The following WWOX variants were observed in gnomAD, a reference collection of about 807,000 sequenced individuals.
WWOX encodes the protein WW domain containing oxidoreductase, also known as WW domain-containing oxidoreductase.
A neutral mutation model predicts 46.2 loss-of-function variants in WWOX; 69 were observed. The observed-to-expected ratio is 1.49, with a 90% CI of 1.23 to 1.82. The LOEUF (loss-of-function observed/expected upper bound fraction) is 1.82, where lower values mean the gene tolerates loss of function less well. Among genes scored for constraint, WWOX ranks in the 40% most tolerant of loss-of-function variants. The pLI, the probability that WWOX is intolerant of heterozygous loss-of-function variation, is 0.00. For synonymous variants in WWOX, 359 were observed against 202.6 expected (o/e 1.77, Z -6.56); for missense variants, 919 against 542.6 (o/e 1.69, Z -6.89).
At chr16:78,824,328 T>C (rs2051588540) in intron 8 of WWOX, among the ~76,000 whole-genome samples, 1 of 152,150 alleles carries the variant, frequency 6.6e-6, no homozygotes, top group Admixed American at 6.6e-5. Flanking sequence ...TGTGATTGGT[T>C]GATTTACTGT....
intron 5 of WWOX, among the ~76,000 whole-genome samples, chr16:78,345,458 CAAAAAAAAAAAAAAAA>C (rs71137889): frequency 0.28 from 7,614 of 26,908 alleles, 1,935 homozygotes; most frequent in South Asian, 0.53. Context: ...CCATCGCTAC[CAAAAAAAAAAAAAAAA>C]AAAAAAAAAA....
At chr16:79,090,557 C>A (rs868078479) in intron 8 of WWOX, among the ~76,000 whole-genome samples, 1 of 152,150 alleles carries the variant, frequency 6.6e-6, no homozygotes, top group Non-Finnish European at 1.5e-5. Flanking sequence ...AAAGATAATT[C>A]ATTCCTGTTT....
chr16:78,973,876 C>G (rs1402329136), intron 8 of WWOX, among the ~76,000 whole-genome samples: 2 of 152,214 alleles, frequency 1.3e-5, no homozygotes, highest in Non-Finnish European at 2.9e-5. Flanking sequence ...ATTTCTATCT[C>G]CAACTAGGGA....
At chr16:78,907,852 G>A (rs2045006399) in intron 8 of WWOX, among the ~76,000 whole-genome samples, 1 of 152,074 alleles carries the variant, frequency 6.6e-6, no homozygotes, top group Admixed American at 6.6e-5. Context: ...CAAAGACGAG[G>A]GAGCAGCAAG....
chr16:79,144,596 T>C (rs961432570), intron 8 of WWOX, among the ~76,000 whole-genome samples: 2 of 152,222 alleles, frequency 1.3e-5, no homozygotes, highest in African/African-American at 2.4e-5. Flanking sequence ...AAAAAAAATA[T>C]CGAGTGGAAA....
intron 8 of WWOX, among the ~76,000 whole-genome samples, chr16:79,033,884 G>A (rs149532818): frequency 3.3e-5 from 5 of 152,356 alleles, no homozygotes; most frequent in African/African-American, 9.6e-5. Flanking sequence ...AGTTAGGACT[G>A]TCTGTCGCAC....
chr16:78,458,541 A>ACAAG (rs2083880874), intron 8 of WWOX, among the ~76,000 whole-genome samples: 1 of 152,154 alleles, frequency 6.6e-6, no homozygotes, highest in Non-Finnish European at 1.5e-5. Context: ...GATTACAGGT[A>ACAAG]CAAGCCACCA....
chr16:78,796,639 G>C (rs2050744493), intron 8 of WWOX, among the ~76,000 whole-genome samples: 1 of 152,170 alleles, frequency 6.6e-6, no homozygotes, highest in Non-Finnish European at 1.5e-5. Context: ...CTTTTGGAAG[G>C]AGTTATTGTC....
chr16:78,396,502 C>A (rs961773247), intron 6 of WWOX, among the ~76,000 whole-genome samples: 7 of 152,154 alleles, frequency 4.6e-5, no homozygotes, highest in Non-Finnish European at 8.8e-5. Flanking sequence ...ACAACTTTCC[C>A]TTCCATAGAG....
intron 8 of WWOX, among the ~76,000 whole-genome samples, chr16:78,881,444 A>G (rs1230718277): frequency 6.6e-6 from 1 of 152,258 alleles, no homozygotes; most frequent in East Asian, 1.9e-4. Context: ...ATTTTCAAGG[A>G]AAATCAGAGA....
Position 78,695,161 on chromosome 16 carries a change from T to C in WWOX, c.1056+262409T>C, listed in dbSNP as rs150743884. 4.0e-3 allele frequency among the ~76,000 whole-genome samples: 611 copies of C among 152,296 alleles called. 1 individual carries two copies. Among genetic ancestry groups the C allele is most frequent in the African/African-American group, 0.013 (561 of 41,560 alleles). Reference sequence around the variant, plus strand: ...ATAAATTTCAAATGAAATATGAACATTTGTTGTCAAAGTACTGTTAAGGTA... The same window carrying C: ...ATAAATTTCAAATGAAATATGAACACTTGTTGTCAAAGTACTGTTAAGGTA... On this transcript the variant is annotated intron_variant, in intron 8 of 8. Coordinates refer to ENST00000566780, the MANE Select transcript of WWOX (RefSeq NM_016373.4).
At chr16:78,943,368 A>T (rs2045889617) in intron 8 of WWOX, among the ~76,000 whole-genome samples, 1 of 152,050 alleles carries the variant, frequency 6.6e-6, no homozygotes, top group South Asian at 2.1e-4. Flanking sequence ...CTTATTCACT[A>T]ACTGTTCATC....
intron 5 of WWOX, among the ~76,000 whole-genome samples, chr16:78,297,937 AG>A (rs1393731293): frequency 1.3e-5 from 2 of 152,228 alleles, no homozygotes; most frequent in Admixed American, 6.5e-5. Context: ...CCCATGTGCT[AG>A]GGGGAGGGAC....
intron 8 of WWOX, among the ~76,000 whole-genome samples, chr16:79,047,028 T>G (rs1371557941): frequency 1.3e-5 from 2 of 152,350 alleles, no homozygotes; most frequent in East Asian, 3.9e-4. Flanking sequence ...ATCAGAAATT[T>G]GCAAAGCCAT....
At position 78,695,499 on chromosome 16, in the gene WWOX, G is replaced by T. The variant is rs184296125; in HGVS notation, c.1056+262747G>T. Among the ~76,000 whole-genome samples the T allele has an allele frequency of 9.9e-5, 15 of 152,282 alleles. No homozygotes were observed. In the East Asian group the frequency reaches 2.9e-3, roughly 29 times the overall value. ...CATGATAGAAGTAGGTCATGGGGGCGGTTAGCTGACTTCATCAGAGAGTAG... is the reference window on the plus strand; with the variant it reads ...CATGATAGAAGTAGGTCATGGGGGCTGTTAGCTGACTTCATCAGAGAGTAG... On this transcript the variant is annotated intron_variant, in intron 8 of 8. Transcript: ENST00000566780.
chr16:78,902,593 G>T (rs926522749), intron 8 of WWOX, among the ~76,000 whole-genome samples: 2 of 152,204 alleles, frequency 1.3e-5, no homozygotes, highest in African/African-American at 4.8e-5. Context: ...TCTGACACCA[G>T]CTTCCCAGTT....
chr16:79,141,932 T>A (rs1465284096), intron 8 of WWOX, among the ~76,000 whole-genome samples: 2 of 152,162 alleles, frequency 1.3e-5, no homozygotes, highest in Non-Finnish European at 2.9e-5. Context: ...GACTCTCCAG[T>A]GCTTCTTGGC....
chr16:79,149,781 T>G (rs1290628000), intron 8 of WWOX, among the ~76,000 whole-genome samples: 1 of 152,236 alleles, frequency 6.6e-6, no homozygotes, highest in Non-Finnish European at 1.5e-5. Context: ...GGCCTCACGT[T>G]GCTTGGTATA....
intron 6 of WWOX, among the ~76,000 whole-genome samples, chr16:78,411,968 A>G (rs543577100): frequency 6.6e-6 from 1 of 152,282 alleles, no homozygotes; most frequent in African/African-American, 2.4e-5. Context: ...TGGAGAAGGA[A>G]TTGTATCACC....
Sources: allele counts gnomAD v4.1 joint callset (sites outside exome capture counted in the v4.1 genomes callset), GRCh38; gene constraint gnomAD v4.1.1; transcripts MANE v1.5; gene names NCBI Gene and HGNC (gene_info 2026-07-23, HGNC 2026-07-21).